Variants in LLGL1 observed in about 807,000 individuals in gnomAD.
LLGL1 encodes the protein lethal(2) giant larvae protein homolog 1.
A neutral mutation model predicts 110.6 loss-of-function variants in LLGL1; 58 were observed. The ratio of observed to expected loss-of-function variants is 0.52; its 90% confidence interval spans 0.42 to 0.65. The LOEUF (loss-of-function observed/expected upper bound fraction) is 0.65, where lower values mean the gene tolerates loss of function less well. Among genes scored for constraint, LLGL1 ranks in the 30% least tolerant of loss-of-function variants. LLGL1 has a pLI of 0.00. For synonymous variants in LLGL1, 674 were observed against 607.2 expected, an observed-to-expected ratio of 1.11 and a Z score of -1.62; for missense variants, 1,229 against 1,462.1, an observed-to-expected ratio of 0.84 and a Z score of 2.60.
At chr17:18,238,807 T>C (rs1447317017) in intron 16 of LLGL1, among the ~76,000 whole-genome samples, 198 bp downstream of exon 16, 2 of 152,086 alleles carry the variant, frequency 1.3e-5, no homozygotes, top group African/African-American at 4.8e-5. Context: ...GGTCAGGAGT[T>C]TGAGACCCGC....
In LLGL1 at chr17:18,238,523, A is replaced by G. The variant is rs1323584704; in HGVS notation, c.2120A>G (p.Gln707Arg). 5 of 1,612,820 alleles carry G rather than the reference A, an allele frequency of 3.1e-6. No homozygotes were observed. Among genetic ancestry groups the G allele is most frequent in the Non-Finnish European group, 4.2e-6 (5 of 1,180,016 alleles). ...CACGACGTGGAGATGACGCCCGTGCAGCGCCGCATTGAGCCCCGCTCTGCC... is the reference window on the plus strand; with the variant it reads ...CACGACGTGGAGATGACGCCCGTGCGGCGCCGCATTGAGCCCCGCTCTGCC... ...CPHDVEMTPV[Q>R]RRIEPRSADD... is the part of the protein sequence containing the mutation. The change falls in exon 16 of 23, where the codon CAG becomes CGG. Residue 707 changes from glutamine to arginine, a missense_variant. Physicochemically the swap from Gln to Arg is conservative, Grantham distance 43. Transcript: ENST00000316843.
chr17:18,225,984 C>T (rs903732084), intron 1 of LLGL1, among the ~76,000 whole-genome samples: 2 of 151,970 alleles, frequency 1.3e-5, no homozygotes, highest in African/African-American at 4.8e-5. Flanking sequence ...CGTGTCTGCT[C>T]CCCGAGTCTC....
chr17:18,237,875 C>T (rs1567692852), intron 14 of LLGL1, 102 bp downstream of exon 14: 4 of 1,346,948 alleles, frequency 3.0e-6, no homozygotes, highest in African/African-American at 1.5e-5. Context: ...GGCCACTAAC[C>T]TCCATTGCCC....
chr17:18,234,173 C>T lies in LLGL1; in HGVS notation c.712C>T (p.Gln238Ter). Residue 238 changes from glutamine (Q) to a stop codon, truncating the protein, a stop_gained and splice_region_variant, in exon 6 of 23, where the codon CAG (glutamine) becomes TAG (stop). Transcript: ENST00000316843. LOFTEE classifies it high-confidence loss of function. ...TGTGGACCACATCTTCCTGGGGAAC[C>T]AGGTATGTAGGTGAGGCCTGTGTCC... is the stretch of plus-strand genomic sequence containing the variant. Reference protein sequence around the residue: ...QCVDHIFLGNQQLESLCWGRD... With the variant: ...QCVDHIFLGN 1 of 1,600,590 alleles carries T rather than the reference C, an allele frequency of 6.2e-7. No homozygotes were observed. The highest frequency in any genetic ancestry group is 8.5e-7 in the Non-Finnish European group (1 of 1,171,034).
At position 18,242,618 on chromosome 17, in the gene LLGL1, G is replaced by T; in HGVS notation, c.3106G>T (p.Asp1036Tyr). The change falls in exon 21 of 23, where the codon GAT (aspartate) becomes TAT (tyrosine). Residue 1036 changes from aspartate to tyrosine, a missense_variant. Asp to Tyr is a radical substitution (Grantham distance 160). Transcript: ENST00000316843. ...TGDVTVEDVK[D>Y]FLGSSEESEK... The stretch of plus-strand genomic sequence containing the variant: ...GGACGTCACAGTGGAAGATGTGAAG[G>T]ATTTCCTGGGGTGAGGCTGGTGGGC... 1 of 1,611,246 alleles carries T rather than the reference G, an allele frequency of 6.2e-7. No individual in the cohort carries two copies. Among genetic ancestry groups the T allele is most frequent in the South Asian group, 1.1e-5 (1 of 90,646 alleles).
intron 1 of LLGL1, among the ~76,000 whole-genome samples, chr17:18,226,123 C>T (rs1567683432): frequency 6.6e-6 from 1 of 152,066 alleles, no homozygotes; most frequent in South Asian, 2.1e-4. Context: ...CCCAGTTGTG[C>T]CTGTGTGTGT....
At chr17:18,239,010 G>GA (rs1290053001) in intron 16 of LLGL1, among the ~76,000 whole-genome samples, 1 of 152,058 alleles carries the variant, frequency 6.6e-6, no homozygotes. Flanking sequence ...GACCTTCTCA[G>GA]AAAAAAAGCT....
rs2047648986 is a variant in LLGL1 at position 18,234,649 on chromosome 17, G to A, written c.851G>A (p.Gly284Asp). ...LQPTVATTPYGPFPCKAINKI... is the reference protein window; with the variant it reads ...LQPTVATTPYDPFPCKAINKI... ...GGTCTGACGCTGTCCCACCCCTCAG[G>A]CCCCTTTCCCTGCAAGGCCATTAAC... The change falls in exon 8 of 23, where the codon GGC (glycine) becomes GAC (aspartate). Residue 284 changes from glycine (G) to aspartate (D), a missense_variant and splice_region_variant. Gly to Asp is a moderately conservative substitution (Grantham distance 94). Transcript: ENST00000316843. 2 of 1,614,010 alleles carry A rather than the reference G, an allele frequency of 1.2e-6. No homozygotes were observed. The highest frequency in any genetic ancestry group is 1.1e-5 in the South Asian group (1 of 91,090).
At chr17:18,228,140 G>C (rs1213465712) in intron 1 of LLGL1, among the ~76,000 whole-genome samples, 1 of 152,242 alleles carries the variant, frequency 6.6e-6, no homozygotes, top group South Asian at 2.1e-4. Flanking sequence ...TTGTGCAGGA[G>C]ACAGTGAAAA....
chr17:18,242,235 G>A lies in LLGL1; in HGVS notation c.2952G>A (p.Gln984=). The change falls in exon 20 of 23, where the codon CAG becomes CAA. Residue 984 remains glutamine (Q), a synonymous_variant. Transcript: ENST00000316843. ...NGTPSILLAP[Q]SLDGSPDPAH... is the part of the protein sequence containing the mutation. ...CCCCAAGCATCCTGCTGGCCCCACA[G>A]AGCCTTGATGGAAGCCCTGATCCAG... 1 of 1,614,114 alleles carries A rather than the reference G, an allele frequency of 6.2e-7. No individual in the cohort carries two copies. The highest frequency in any genetic ancestry group is 8.5e-7 in the Non-Finnish European group (1 of 1,179,990).
At position 18,236,484 on chromosome 17, in the gene LLGL1, G is replaced by T. The variant is rs561758730; in HGVS notation, c.1353-123G>T. Reference sequence around the variant, plus strand: ...GTGCCTATTGTTTTTTGTAAAAGTAGGATTCCGGTCAGTGTTTGGCACGTG... The same window carrying T: ...GTGCCTATTGTTTTTTGTAAAAGTATGATTCCGGTCAGTGTTTGGCACGTG... On this transcript the variant is annotated intron_variant, in intron 11 of 22. Transcript: ENST00000316843. 3.2e-5 allele frequency: 31 copies of T among 964,398 alleles called. No homozygotes were observed. In the African/African-American group the frequency reaches 4.0e-4, roughly 13 times the overall value. 59.7% of individuals were successfully genotyped at this position (964,398 alleles called of 1,614,324 possible).
In LLGL1 at chr17:18,234,662, C is replaced by T. The variant is rs142029475; in HGVS notation, c.864C>T (p.Cys288=). Residue 288 remains cysteine, a synonymous_variant, in exon 8 of 23, where the codon TGC becomes TGT. Coordinates refer to ENST00000316843, the MANE Select transcript of LLGL1 (RefSeq NM_004140.4). ...CCCACCCCTCAGGCCCCTTTCCCTG[C>T]AAGGCCATTAACAAGATTCTGTGGC... The part of the protein sequence containing the change: ...VATTPYGPFP[C]KAINKILWRN... 15 of 1,614,032 alleles carry T rather than the reference C, an allele frequency of 9.3e-6. No individual in the cohort carries two copies. Among genetic ancestry groups the T allele is most frequent in the African/African-American group, 1.3e-5 (1 of 74,898 alleles).
rs2047664257 is a variant in LLGL1, at chr17:18,235,197, T to C, written c.1169T>C (p.Leu390Pro). 6.2e-7 allele frequency: 1 copy of C among 1,611,960 alleles called. No homozygotes were observed. Among genetic ancestry groups the C allele is most frequent in the South Asian group, 1.1e-5 (1 of 91,094 alleles). The change falls in exon 10 of 23, where the codon CTG becomes CCG. Residue 390 changes from leucine to proline, a missense_variant. Transcript: ENST00000316843. ...PAVPAPYLAP[L>P]HSSAITCSAH... ...GTGCCTGCCCCATACCTGGCCCCGC[T>C]GCACTCCTCTGCAATCACTTGCTCG...
At chr17:18,242,701 G>A (rs756615776) in intron 21 of LLGL1, 42 bp from the exon 22 acceptor site, 1 of 1,562,848 alleles carries the variant, frequency 6.4e-7, no homozygotes, top group Non-Finnish European at 8.7e-7. Context: ...GCTGCCAGGG[G>A]CTCCCCCGCC....
chr17:18,227,222 C>T (rs1180180776), intron 1 of LLGL1, among the ~76,000 whole-genome samples: 1 of 152,174 alleles, frequency 6.6e-6, no homozygotes, highest in Non-Finnish European at 1.5e-5. Flanking sequence ...TGCCAGGACC[C>T]TCACACGGTG....
Position 18,232,784 on chromosome 17 carries a change from C to T in LLGL1, c.374C>T (p.Pro125Leu), listed in dbSNP as rs779831824. 7 of 1,614,002 alleles carry T rather than the reference C, an allele frequency of 4.3e-6. No individual in the cohort carries two copies. The Middle Eastern group carries it at 5.0e-4, about 114-fold the overall frequency. The stretch of plus-strand genomic sequence containing the variant: ...CTCAGTTTCCAGCTGCCCAGCCGGC[C>T]CGGCTTTGATGGTGCCAGGTACTGG... ...EALSFQLPSR[P>L]GFDGASAPLS... Residue 125 changes from proline (P) to leucine (L), a missense_variant, in exon 4 of 23, where the codon CCC becomes CTC. Coordinates refer to ENST00000316843, the MANE Select transcript of LLGL1 (RefSeq NM_004140.4).
intron 13 of LLGL1, 182 bp downstream of exon 13, chr17:18,237,121 C>T: frequency 1.6e-6 from 1 of 618,656 alleles, no homozygotes; most frequent in Non-Finnish European, 2.9e-6. Flanking sequence ...CTGGGGGAAC[C>T]ACAGTGTTGA....
intron 1 of LLGL1, among the ~76,000 whole-genome samples, chr17:18,226,903 A>G (rs1449862005): frequency 6.6e-6 from 1 of 152,278 alleles, no homozygotes; most frequent in Non-Finnish European, 1.5e-5. Flanking sequence ...AATTAGAGTT[A>G]TCTTCAAAAT....
chr17:18,235,259 C>T lies in LLGL1; in HGVS notation c.1231C>T (p.Arg411Cys), dbSNP rs1317036340. ...VASVPAKLWA[R>C]IVSAGEQQSP... is the part of the protein sequence containing the mutation. The stretch of plus-strand genomic sequence containing the variant: ...CAGTGTCCCCGCCAAGCTGTGGGCC[C>T]GCATTGTGAGCGCTGGCGAGCAGCA... The change falls in exon 10 of 23, where the codon CGC becomes TGC. Residue 411 changes from arginine (R) to cysteine (C), a missense_variant. Coordinates refer to ENST00000316843, the MANE Select transcript of LLGL1 (RefSeq NM_004140.4). 10 of 1,610,584 alleles carry T rather than the reference C, an allele frequency of 6.2e-6. No individual in the cohort carries two copies. Among genetic ancestry groups the T allele is most frequent in the East Asian group, 4.5e-5 (2 of 44,896 alleles).
Sources: gnomAD v4.1 joint callset for allele counts (sites outside exome capture counted in the v4.1 genomes callset) on GRCh38, gnomAD v4.1.1 for gene constraint, MANE v1.5 for transcripts, NCBI Gene and HGNC (gene_info 2026-07-23, HGNC 2026-07-21) for gene names.